Variants in PCDHA7 observed in about 807,000 individuals in gnomAD.
PCDHA7 encodes the protein protocadherin alpha 7, also known as protocadherin alpha-7.
In PCDHA7, 37 loss-of-function variants were observed where a neutral mutation model predicts 57.2. That is an observed-to-expected ratio of 0.65 (90% CI 0.50 to 0.85). PCDHA7 has a LOEUF of 0.85. Among genes scored for constraint, PCDHA7 ranks in the 40% least tolerant of loss-of-function variants. The pLI is 0.00. For synonymous variants in PCDHA7, 553 were observed against 558.8 expected (o/e 0.99, Z 0.15); for missense variants, 1,188 against 1,241.8 (o/e 0.96, Z 0.65).
chr5:140,865,936 A>G (rs1279027190), intron 1 of PCDHA7: 2 of 152,184 alleles, frequency 1.3e-5, no homozygotes, highest in Non-Finnish European at 2.9e-5. Flanking sequence ...AAGAAACTTC[A>G]TGATTGTCTT....
intron 1 of PCDHA7, chr5:140,966,932 G>A: frequency 6.2e-7 from 1 of 1,603,726 alleles, no homozygotes; most frequent in Non-Finnish European, 8.5e-7. Flanking sequence ...GGCACCCGGC[G>A]CGCTCGTGGG....
chr5:140,843,464 C>T lies in PCDHA7; in HGVS notation c.2355+6726C>T. On this transcript the variant is annotated intron_variant, in intron 1 of 3. Transcript: ENST00000525929. ...GGTATCCAGCCTGCTGGTGCTCACG[C>T]TGCTGCTGTACACTGCGCTGCGGTG... 3.1e-6 allele frequency: 5 copies of T among 1,596,058 alleles called. 1 individual carries two copies. The highest frequency in any genetic ancestry group is 4.3e-6 in the Non-Finnish European group (5 of 1,165,644).
At chr5:140,890,693 G>C (rs980920550) in intron 1 of PCDHA7, among the ~76,000 whole-genome samples, 7 of 151,828 alleles carry the variant, frequency 4.6e-5, no homozygotes, top group Non-Finnish European at 8.8e-5. Flanking sequence ...GGAAATGCAG[G>C]GACCTTACAT....
At chr5:140,996,831 T>C (rs1196344709) in intron 3 of PCDHA7, among the ~76,000 whole-genome samples, 1 of 152,204 alleles carries the variant, frequency 6.6e-6, no homozygotes, top group Non-Finnish European at 1.5e-5. Flanking sequence ...CTACCAATAA[T>C]TTAGCGTGCA....
At chr5:140,869,447 A>G in intron 1 of PCDHA7, 1 of 1,614,214 alleles carries the variant, frequency 6.2e-7, no homozygotes, top group Non-Finnish European at 8.5e-7. Flanking sequence ...AGGCCGCTGC[A>G]GGTTTTCCAT....
intron 1 of PCDHA7, among the ~76,000 whole-genome samples, chr5:140,972,732 C>T (rs2096552874): frequency 1.3e-5 from 2 of 149,646 alleles, no homozygotes; most frequent in Non-Finnish European, 3.0e-5. Flanking sequence ...GGCGTAATCC[C>T]GGCTCACTGC....
chr5:140,883,724 G>T (rs1174982763), intron 1 of PCDHA7: 2 of 1,613,492 alleles, frequency 1.2e-6, no homozygotes, highest in Non-Finnish European at 1.7e-6. Context: ...GGACGCACAG[G>T]AGAACGCGCT....
chr5:140,897,080 A>AT lies in PCDHA7; in HGVS notation c.2355+60348dup, dbSNP rs201233181. The stretch of plus-strand genomic sequence containing the variant: ...ATACTATGTCTTATTCATTTTTTCT[A>AT]TTTTTTATCCTCATTAAAAATCTCC... On this transcript the variant is annotated intron_variant, in intron 1 of 3. Transcript: ENST00000525929. 8.0e-3 allele frequency among the ~76,000 whole-genome samples: 1,212 copies of AT among 152,020 alleles called. 6 individuals carry two copies. Among genetic ancestry groups the AT allele is most frequent in the African/African-American group, 0.019 (783 of 41,452 alleles).
At chr5:140,941,220 TTTC>T (rs2092903024) in intron 1 of PCDHA7, among the ~76,000 whole-genome samples, 1 of 131,326 alleles carries the variant, frequency 7.6e-6, no homozygotes, top group Non-Finnish European at 1.6e-5. Flanking sequence ...TCTTCCTTTC[TTTC>T]TTTCTTTCTT....
At chr5:140,853,917 C>A (rs2042908511) in intron 1 of PCDHA7, 1 of 942,718 alleles carries the variant, frequency 1.1e-6, no homozygotes, top group Non-Finnish European at 1.3e-6. Flanking sequence ...ACCTGCAATC[C>A]CAACATTTTG....
chr5:140,846,590 G>A (rs1780577373), intron 1 of PCDHA7, among the ~76,000 whole-genome samples: 1 of 148,312 alleles, frequency 6.7e-6, no homozygotes, highest in African/African-American at 2.5e-5. Context: ...TAGCCAGGAT[G>A]GTCTCGATCT....
At chr5:140,920,825 G>A (rs557360536) in intron 1 of PCDHA7, among the ~76,000 whole-genome samples, 12 of 150,152 alleles carry the variant, frequency 8.0e-5, no homozygotes, top group African/African-American at 2.4e-4. Context: ...GCCTGGCGAC[G>A]GAGCAAGACC....
At position 141,010,550 on chromosome 5, in the gene PCDHA7, ACCCC is replaced by A; in HGVS notation, c.*615_*618del. 6.3e-6 allele frequency: 2 copies of A among 316,712 alleles called. No homozygotes were observed. Among genetic ancestry groups the A allele is most frequent in the South Asian group, 1.1e-4 (2 of 17,516 alleles). The allele number at this position is 316,712 out of a possible 1,614,324, so 19.6% of individuals were successfully genotyped here. A position where few individuals can be genotyped will look rare whatever the true frequency, so the allele number is the denominator to read the frequency against. On this transcript the variant is annotated 3_prime_UTR_variant, in exon 4 of 4. Coordinates refer to ENST00000525929, the MANE Select transcript of PCDHA7 (RefSeq NM_018910.3). ...CAGCCACCCTCTAGGAGACAAAACT[ACCCC>A]CACTGACAAGGCTTTAGGAGACCCT...
chr5:140,869,176 G>C lies in PCDHA7; in HGVS notation c.2355+32438G>C, dbSNP rs200962401. The C allele has an allele frequency of 2.8e-5, 45 of 1,613,986 alleles. No individual in the cohort carries two copies. The East Asian group carries it at 9.6e-4, about 34-fold the overall frequency. On this transcript the variant is annotated intron_variant, in intron 1 of 3. Coordinates refer to ENST00000525929, the MANE Select transcript of PCDHA7 (RefSeq NM_018910.3). Reference sequence around the variant, plus strand: ...CTGGCTTCTCCTCCTCGAATTCTGGGAGGTGGGGAGCGGCCAGCTCCACTA... The same window carrying C: ...CTGGCTTCTCCTCCTCGAATTCTGGCAGGTGGGGAGCGGCCAGCTCCACTA...
chr5:140,938,977 A>C (rs1205824371), intron 1 of PCDHA7, among the ~76,000 whole-genome samples: 1 of 152,190 alleles, frequency 6.6e-6, no homozygotes, highest in Admixed American at 6.5e-5. Flanking sequence ...CATCAAGGCT[A>C]TCCTGGCTTT....
intron 1 of PCDHA7, among the ~76,000 whole-genome samples, chr5:140,953,351 C>G (rs1007094673): frequency 3.3e-5 from 5 of 152,122 alleles, no homozygotes; most frequent in Non-Finnish European, 5.9e-5. Context: ...TTCTTTTGTT[C>G]TGTGCACTCA....
chr5:140,842,705 G>T, intron 1 of PCDHA7: 2 of 1,595,328 alleles, frequency 1.3e-6, no homozygotes, highest in Non-Finnish European at 1.7e-6. Context: ...CGAGTACACG[G>T]TGTTCGTGAA....
intron 3 of PCDHA7, among the ~76,000 whole-genome samples, chr5:140,991,403 C>A (rs1230118485): frequency 6.6e-6 from 1 of 152,116 alleles, no homozygotes; most frequent in African/African-American, 2.4e-5. Context: ...TATTTATTTC[C>A]CATTATGCTA....
chr5:140,995,346 A>G (rs2097678208), intron 3 of PCDHA7, among the ~76,000 whole-genome samples: 2 of 151,964 alleles, frequency 1.3e-5, no homozygotes, highest in South Asian at 4.2e-4. Context: ...GACGGCATGG[A>G]TAGGTCGGAC....
Sources: allele counts gnomAD v4.1 joint callset (sites outside exome capture counted in the v4.1 genomes callset), GRCh38; gene constraint gnomAD v4.1.1; transcripts MANE v1.5; gene names NCBI Gene and HGNC (gene_info 2026-07-23, HGNC 2026-07-21).